The following WASL variants were observed in gnomAD, a reference collection of about 807,000 sequenced individuals.
WASL encodes the protein WASP like actin nucleation promoting factor.
Under a neutral mutation model 55.5 loss-of-function variants are expected in WASL, and 20 were observed. That is an observed-to-expected ratio of 0.36 (90% CI 0.25 to 0.52). The LOEUF (loss-of-function observed/expected upper bound fraction) is 0.52. WASL is among the 20% of genes least tolerant of loss of function. The probability of loss-of-function intolerance (pLI) is 0.92; values close to 1 mark genes in which losing one functional copy is unlikely to be tolerated. For missense variants in WASL, 504 were observed against 622.5 expected, an observed-to-expected ratio of 0.81 and a Z score of 2.03; for synonymous variants, 249 against 217.6, an observed-to-expected ratio of 1.14 and a Z score of -1.27.
At chr7:123,690,195 T>G (rs1208212687) in intron 9 of WASL, among the ~76,000 whole-genome samples, 1 of 152,158 alleles carries the variant, frequency 6.6e-6, no homozygotes, top group Non-Finnish European at 1.5e-5. Flanking sequence ...AATGTGATAA[T>G]GTAAAGCAGA....
intron 5 of WASL, among the ~76,000 whole-genome samples, chr7:123,700,999 T>C (rs1335170717): frequency 6.6e-6 from 1 of 152,206 alleles, no homozygotes; most frequent in South Asian, 2.1e-4. Context: ...TTGAAGATGT[T>C]AGGAAATAAG....
At chr7:123,688,963 G>T in intron 10 of WASL, 79 bp downstream of exon 10, 1 of 1,231,236 alleles carries the variant, frequency 8.1e-7, no homozygotes, top group Non-Finnish European at 1.2e-6. Context: ...ATAACAGAAC[G>T]TCAAACATTC....
At chr7:123,744,714 A>T (rs1167260004) in intron 1 of WASL, among the ~76,000 whole-genome samples, 1 of 152,124 alleles carries the variant, frequency 6.6e-6, no homozygotes, top group Non-Finnish European at 1.5e-5. Flanking sequence ...TTAGTTTCTC[A>T]CTTATTCAGG....
At chr7:123,685,570 C>T (rs535207893) in intron 10 of WASL, among the ~76,000 whole-genome samples, 86 of 152,052 alleles carry the variant, frequency 5.7e-4, no homozygotes, top group African/African-American at 2.0e-3. Flanking sequence ...CGGCCTATCC[C>T]ATTTTACTTT....
intron 1 of WASL, among the ~76,000 whole-genome samples, chr7:123,717,392 C>A (rs1803863564): frequency 6.6e-6 from 1 of 152,232 alleles, no homozygotes; most frequent in Non-Finnish European, 1.5e-5. Context: ...CCTAGGGGCT[C>A]CTCTTTAGCT....
chr7:123,696,689 T>G lies in WASL; in HGVS notation c.519A>C (p.Arg173Ser). ...TGTTGTTGACTTGTGGACCATAAAA[T>G]CTATTTGTTGTGATTTCTGGATTTT... Reference protein sequence around the residue: ...DIKNPEITTNRFYGPQVNNIS... With the variant: ...DIKNPEITTNSFYGPQVNNIS... Residue 173 changes from arginine (R) to serine (S), a missense_variant, in exon 6 of 11, where the codon AGA (arginine) becomes AGC (serine). By Grantham distance (110) the Arg-to-Ser change is moderately radical. Coordinates refer to ENST00000223023, the MANE Select transcript of WASL (RefSeq NM_003941.4). 6.2e-7 allele frequency: 1 copy of G among 1,602,770 alleles called. No individual in the cohort carries two copies.
At chr7:123,697,484 T>C (rs987282486) in intron 5 of WASL, among the ~76,000 whole-genome samples, 3 of 152,190 alleles carry the variant, frequency 2.0e-5, no homozygotes, top group Non-Finnish European at 2.9e-5. Context: ...CTTAAAAGTA[T>C]GAAAGTCTGA....
intron 2 of WASL, among the ~76,000 whole-genome samples, chr7:123,708,575 G>A (rs1484779962): frequency 6.6e-6 from 1 of 151,978 alleles, no homozygotes; most frequent in Non-Finnish European, 1.5e-5. Context: ...TTGGAAGGGA[G>A]GGATATAAAG....
intron 1 of WASL, among the ~76,000 whole-genome samples, chr7:123,728,227 T>C (rs2116812499): frequency 6.6e-6 from 1 of 152,320 alleles, no homozygotes; most frequent in South Asian, 2.1e-4. Context: ...ACCTGGGGAC[T>C]GGGCACTTTC....
Position 123,706,808 on chromosome 7 carries a change from C to T in WASL, c.271G>A (p.Glu91Lys). 6.4e-7 allele frequency: 1 copy of T among 1,554,358 alleles called. No individual in the cohort carries two copies. The highest frequency in any genetic ancestry group is 8.7e-7 in the Non-Finnish European group (1 of 1,155,238). Residue 91 changes from glutamate (E) to lysine (K), a missense_variant, in exon 3 of 11, where the codon GAA becomes AAA. Coordinates refer to ENST00000223023, the MANE Select transcript of WASL (RefSeq NM_003941.4). ...FDIKDGKLLWEQELYNNFVYN... is the reference protein window; with the variant it reads ...FDIKDGKLLWKQELYNNFVYN... ...ACAAAGTTATTGTATAGCTCTTGTT[C>T]CCACAATAGTTTCCCATCCTAGAAA...
intron 1 of WASL, among the ~76,000 whole-genome samples, chr7:123,727,353 T>A (rs868575100): frequency 4.1e-4 from 60 of 147,818 alleles, no homozygotes; most frequent in South Asian, 8.7e-4. Flanking sequence ...AAAATATGTG[T>A]CACACACACA....
At chr7:123,714,993 G>GA (rs1333621867) in intron 1 of WASL, among the ~76,000 whole-genome samples, 1 of 152,104 alleles carries the variant, frequency 6.6e-6, no homozygotes, top group Non-Finnish European at 1.5e-5. Flanking sequence ...TAGGAAATAA[G>GA]AAAGAGAAGA....
chr7:123,697,811 T>C (rs947593639), intron 5 of WASL, among the ~76,000 whole-genome samples: 3 of 152,228 alleles, frequency 2.0e-5, no homozygotes, highest in Non-Finnish European at 2.9e-5. Context: ...GGGCTTATTG[T>C]GTCTAAACTG....
intron 1 of WASL, among the ~76,000 whole-genome samples, chr7:123,709,509 T>C (rs1470028922): frequency 1.3e-5 from 2 of 152,216 alleles, no homozygotes; most frequent in Non-Finnish European, 2.9e-5. Context: ...CTTTTAAATA[T>C]AGCCTCATTT....
chr7:123,710,858 C>T (rs761724746), intron 1 of WASL, among the ~76,000 whole-genome samples: 4 of 152,098 alleles, frequency 2.6e-5, no homozygotes, highest in Admixed American at 6.6e-5. Flanking sequence ...ATGATAGTGC[C>T]ACAGGCATCC....
At chr7:123,706,172 G>GT in intron 4 of WASL, 105 bp downstream of exon 4, 2 of 1,066,544 alleles carry the variant, frequency 1.9e-6, no homozygotes, top group Non-Finnish European at 2.7e-6. Flanking sequence ...AATGAATACA[G>GT]TTAAGTTTCA....
At chr7:123,698,784 T>C (rs1803530639) in intron 5 of WASL, among the ~76,000 whole-genome samples, 1 of 152,212 alleles carries the variant, frequency 6.6e-6, no homozygotes. Context: ...GATTAGGATG[T>C]GAATTTTCAA....
At chr7:123,689,008 C>G (rs1419685751) in intron 10 of WASL, 34 bp downstream of exon 10, 6 of 15,068 alleles carry the variant, frequency 4.0e-4, no homozygotes, top group East Asian at 3.1e-3. Flanking sequence ...CTCTCTCTGT[C>G]TCTCTCTCTC....
At position 123,682,931 on chromosome 7, in the gene WASL, TG is replaced by T. The variant is rs1042216865; in HGVS notation, c.*1587del. On this transcript the variant is annotated 3_prime_UTR_variant, in exon 11 of 11. Transcript: ENST00000223023. ...TCTTTGAATAACTTAAGTATTTTAC[TG>T]CACCACTTACTGCTTTCAGCAACAA... 6.6e-6 allele frequency: 1 copy of T among 152,288 alleles called. No homozygotes were observed. The highest frequency in any genetic ancestry group is 6.5e-5 in the Admixed American group (1 of 15,286). The allele number at this position is 152,288 out of a possible 1,614,324, so 9.4% of individuals were successfully genotyped here. A position where few individuals can be genotyped will look rare whatever the true frequency, so the allele number is the denominator to read the frequency against.
Sources: allele counts gnomAD v4.1 joint callset (sites outside exome capture counted in the v4.1 genomes callset), GRCh38; gene constraint gnomAD v4.1.1; transcripts MANE v1.5; gene names NCBI Gene and HGNC (gene_info 2026-07-23, HGNC 2026-07-21).